The following PRH1 variants were observed in gnomAD, a reference collection of about 807,000 sequenced individuals.
PRH1 encodes the protein proline rich protein HaeIII subfamily 1.
A neutral mutation model predicts 7.9 loss-of-function variants in PRH1; 7 were observed. That is an observed-to-expected ratio of 0.89 (90% CI 0.50 to 1.67). The LOEUF is 1.67. Among genes scored for constraint, PRH1 ranks in the 40% most tolerant of loss-of-function variants. The pLI is 0.00. For synonymous variants in PRH1, 45 were observed against 80.8 expected, an observed-to-expected ratio of 0.56 and a Z score of 2.38; for missense variants, 109 against 223.6, an observed-to-expected ratio of 0.49 and a Z score of 3.27.
chr12:10,897,632 A>G (rs1463675223), intron 2 of PRH1, among the ~76,000 whole-genome samples: 2 of 152,224 alleles, frequency 1.3e-5, no homozygotes, highest in Non-Finnish European at 2.9e-5. Context: ...GGGAGGCCTC[A>G]GGAAATGTAT....
chr12:10,909,110 T>C (rs1486693163), intron 2 of PRH1: 1 of 1,613,744 alleles, frequency 6.2e-7, no homozygotes, highest in South Asian at 1.1e-5. Flanking sequence ...ACCAACTTAC[T>C]AATATTTCCC....
rs34186546 is a variant in PRH1 at position 10,905,669 on chromosome 12, G to GAA, written c.-58-21396_-58-21395dup. Among the ~76,000 whole-genome samples, 11 of 149,850 alleles carry GAA rather than the reference G, an allele frequency of 7.3e-5. No homozygotes were observed. In the East Asian group the frequency reaches 1.2e-3, roughly 16 times the overall value. On this transcript the variant is annotated intron_variant, in intron 2 of 3. Transcript: ENST00000539853. ...AAACAGAGTAAGATTCTGTCTCAAA[G>GAA]AAAAAAAAATGGATTAGACCAAAAA...
At chr12:10,927,082 G>A (rs1189382713) in intron 2 of PRH1, among the ~76,000 whole-genome samples, 2 of 152,104 alleles carry the variant, frequency 1.3e-5, no homozygotes, top group Non-Finnish European at 1.5e-5. Context: ...TTCTTGATAT[G>A]CTAGTCTCTT....
At chr12:11,014,725 G>C (rs1329465117) in intron 1 of PRH1, among the ~76,000 whole-genome samples, 1 of 144,026 alleles carries the variant, frequency 6.9e-6, no homozygotes, top group Non-Finnish European at 1.6e-5. Context: ...GAATATTCAG[G>C]ACGTATTCAT....
intron 1 of PRH1, among the ~76,000 whole-genome samples, chr12:11,035,372 G>A (rs1429143755): frequency 3.3e-5 from 5 of 151,784 alleles, no homozygotes; most frequent in Admixed American, 3.3e-4. Flanking sequence ...CTTCATTCTG[G>A]GTAGTTATCT....
At chr12:11,016,595 C>T (rs774005167) in intron 1 of PRH1, among the ~76,000 whole-genome samples, 10 of 152,300 alleles carry the variant, frequency 6.6e-5, no homozygotes, top group Non-Finnish European at 1.3e-4. Context: ...CCCACCTCCG[C>T]CTCCAAAAGT....
intron 1 of PRH1, among the ~76,000 whole-genome samples, chr12:11,137,608 T>C (rs116810637): frequency 0.01 from 1,587 of 152,304 alleles, 32 homozygotes; most frequent in African/African-American, 0.035. Context: ...ATAGTGATCA[T>C]AGTGAAAAGA....
intron 2 of PRH1, among the ~76,000 whole-genome samples, chr12:10,924,675 C>A (rs1217011342): frequency 6.6e-6 from 1 of 152,184 alleles, no homozygotes; most frequent in Non-Finnish European, 1.5e-5. Context: ...GCCTCAATTT[C>A]AGAGCCTGTT....
At chr12:11,133,279 T>C (rs1946427230) in intron 1 of PRH1, 1 of 1,592,784 alleles carries the variant, frequency 6.3e-7, no homozygotes. Context: ...ACCAGTTTGT[T>C]TTCTGCTAGA....
At chr12:10,975,761 A>C (rs1302076672) in intron 1 of PRH1, among the ~76,000 whole-genome samples, 1 of 149,824 alleles carries the variant, frequency 6.7e-6, no homozygotes, top group Non-Finnish European at 1.5e-5. Context: ...AAAAAAAAAA[A>C]CAGAGTTACT....
At chr12:11,164,812 A>G (rs1372005665) in intron 1 of PRH1, among the ~76,000 whole-genome samples, 1 of 152,126 alleles carries the variant, frequency 6.6e-6, no homozygotes, top group Non-Finnish European at 1.5e-5. Context: ...TATATGAAAA[A>G]CCGTTTTAAT....
At chr12:11,064,961 C>G (rs929903393) in intron 1 of PRH1, among the ~76,000 whole-genome samples, 1 of 151,948 alleles carries the variant, frequency 6.6e-6, no homozygotes, top group Middle Eastern at 3.4e-3. Flanking sequence ...GGTTTGATCC[C>G]GGGAGTTCCA....
At chr12:10,972,830 AC>A (rs2135954433) in intron 2 of PRH1, among the ~76,000 whole-genome samples, 1 of 151,752 alleles carries the variant, frequency 6.6e-6, no homozygotes, top group East Asian at 1.9e-4. Context: ...TTTTTTGGGA[AC>A]CCCAGGAAGG....
At chr12:11,060,425 A>G (rs1008468392) in intron 1 of PRH1, among the ~76,000 whole-genome samples, 1 of 151,756 alleles carries the variant, frequency 6.6e-6, no homozygotes, top group African/African-American at 2.4e-5. Flanking sequence ...CCTGAAGTTT[A>G]GAAGGAATTT....
At chr12:10,910,799 T>A (rs1949888109) in intron 2 of PRH1, among the ~76,000 whole-genome samples, 1 of 152,196 alleles carries the variant, frequency 6.6e-6, no homozygotes. Context: ...TTTAGCTAGA[T>A]GAATACAAAG....
At chr12:10,997,874 A>G (rs1940373909) in intron 1 of PRH1, 2 of 1,569,248 alleles carry the variant, frequency 1.3e-6, no homozygotes, top group South Asian at 2.4e-5. Flanking sequence ...AAAACTCATC[A>G]TGTCTAAACA....
At chr12:10,995,830 T>C (rs2136004234) in intron 1 of PRH1, among the ~76,000 whole-genome samples, 1 of 152,274 alleles carries the variant, frequency 6.6e-6, no homozygotes, top group East Asian at 1.9e-4. Context: ...ATAACAGCAC[T>C]GAAAAGAGCT....
At chr12:11,117,561 C>A (rs1171671574), downstream of PRH1, among the ~76,000 whole-genome samples, 1 of 152,064 alleles carries the variant, frequency 6.6e-6, no homozygotes, top group Non-Finnish European at 1.5e-5. Flanking sequence ...ATAGAGAAAA[C>A]AATCCTAAAA....
chr12:11,066,562 G>A (rs572292375), intron 1 of PRH1, among the ~76,000 whole-genome samples: 1 of 76,600 alleles, frequency 1.3e-5, no homozygotes, highest in Admixed American at 1.4e-4. Flanking sequence ...CCACAATGAT[G>A]GTCTTTTAAA....
Sources: allele counts gnomAD v4.1 joint callset (sites outside exome capture counted in the v4.1 genomes callset), GRCh38; gene constraint gnomAD v4.1.1; transcripts MANE v1.5; gene names NCBI Gene and HGNC (gene_info 2026-07-23, HGNC 2026-07-21).